SCN9A: variants seen among roughly 807,000 people sequenced by gnomAD.
SCN9A encodes sodium voltage-gated channel alpha subunit 9.
In SCN9A, 131 loss-of-function variants were observed where a neutral mutation model predicts 187.0. The observed-to-expected ratio is 0.70, with a 90% CI of 0.61 to 0.81. The LOEUF is 0.81. Among genes scored for constraint, SCN9A ranks in the 30% least tolerant of loss-of-function variants. The pLI, the probability that SCN9A is intolerant of heterozygous loss-of-function variation, is 0.00. For synonymous variants in SCN9A, 809 were observed against 808.6 expected (o/e 1.00, Z -0.01); for missense variants, 2,252 against 2,396.6 (o/e 0.94, Z 1.26).
chr2:166,287,933 A>G (rs992005918), intron 10 of SCN9A, among the ~76,000 whole-genome samples: 2 of 148,806 alleles, frequency 1.3e-5, no homozygotes, highest in South Asian at 4.2e-4. Flanking sequence ...GGGGAAATCC[A>G]TTGTGTGTAT....
intron 18 of SCN9A, among the ~76,000 whole-genome samples, chr2:166,243,284 C>A (rs987684218): frequency 2.6e-5 from 4 of 152,130 alleles, no homozygotes; most frequent in African/African-American, 9.6e-5. Context: ...TTTATTCATT[C>A]ATTAACGCAT....
chr2:166,370,424 G>T (rs369037062), intron 1 of SCN9A, among the ~76,000 whole-genome samples: 93 of 151,476 alleles, frequency 6.1e-4, no homozygotes, highest in Non-Finnish European at 1.1e-3. Context: ...GGCGCCTGTA[G>T]TCCCAGCTAC....
intron 22 of SCN9A, among the ~76,000 whole-genome samples, chr2:166,228,359 T>C (rs189591732): frequency 0.021 from 3,059 of 148,850 alleles, 114 homozygotes; most frequent in African/African-American, 0.072. Flanking sequence ...CAGGTTCACG[T>C]GATTCTCCTG....
At position 166,316,509 on chromosome 2, in the gene SCN9A, A is replaced by G. The variant is rs537657709; in HGVS notation, c.-50-4703T>C. The stretch of plus-strand genomic sequence containing the variant: ...GGAGATCGAGACCAACCTGGCGAAC[A>G]CTGTGAAACCCTGTCTCTACTAAAA... On this transcript the variant is annotated intron_variant, in intron 1 of 26. Coordinates refer to ENST00000642356, the MANE Select transcript of SCN9A (RefSeq NM_001365536.1). Among the ~76,000 whole-genome samples the G allele has an allele frequency of 6.6e-4, 101 of 152,324 alleles. No individual in the cohort carries two copies. In the South Asian group the frequency reaches 0.02, roughly 30 times the overall value.
At chr2:166,271,464 G>A (rs1054563199) in intron 17 of SCN9A, among the ~76,000 whole-genome samples, 2 of 151,994 alleles carry the variant, frequency 1.3e-5, no homozygotes, top group Non-Finnish European at 2.9e-5. Context: ...AAATTGGTTT[G>A]GTACAGGTAA....
At chr2:166,200,781 A>C (rs1468742381) in intron 26 of SCN9A, among the ~76,000 whole-genome samples, 1 of 152,132 alleles carries the variant, frequency 6.6e-6, no homozygotes, top group Non-Finnish European at 1.5e-5. Flanking sequence ...GACTACAGGC[A>C]TGCGCCACCA....
At chr2:166,340,602 CTTTTT>C (rs777844017) in intron 1 of SCN9A, among the ~76,000 whole-genome samples, 520 of 40,194 alleles carry the variant, frequency 0.013, 18 homozygotes, top group African/African-American at 0.063. Flanking sequence ...TTCTTTCTTT[CTTTTT>C]CTTTCTTTCT....
In SCN9A at chr2:166,197,155, A is replaced by G. The variant is rs201853712; in HGVS notation, c.*1517T>C. The G allele has an allele frequency of 2.0e-5, 3 of 152,134 alleles. No homozygotes were observed. Among genetic ancestry groups the G allele is most frequent in the Non-Finnish European group, 2.9e-5 (2 of 67,978 alleles). The allele number at this position is 152,134 out of a possible 1,614,324, so 9.4% of individuals were successfully genotyped here. Reference sequence around the variant, plus strand: ...ACAAAAATCTTCTAAGTAAAACTACATTCTACCTGTGTAGCTCAATTTTTG... The same window carrying G: ...ACAAAAATCTTCTAAGTAAAACTACGTTCTACCTGTGTAGCTCAATTTTTG... On this transcript the variant is annotated 3_prime_UTR_variant, in exon 27 of 27. Coordinates refer to ENST00000642356, the MANE Select transcript of SCN9A (RefSeq NM_001365536.1).
chr2:166,253,688 G>A (rs889838434), intron 17 of SCN9A, among the ~76,000 whole-genome samples: 2 of 151,636 alleles, frequency 1.3e-5, no homozygotes, highest in African/African-American at 4.8e-5. Flanking sequence ...TCGGCTGCAC[G>A]TGAACTATCA....
Position 166,197,885 on chromosome 2 carries a change from G to T in SCN9A, c.*787C>A, listed in dbSNP as rs937301813. 3 of 151,172 alleles carry T rather than the reference G, an allele frequency of 2.0e-5. No individual in the cohort carries two copies. Among genetic ancestry groups the T allele is most frequent in the Non-Finnish European group, 4.4e-5 (3 of 67,456 alleles). 9.4% of individuals were successfully genotyped at this position (151,172 alleles called of 1,614,324 possible). ...CTCAGTTATCTTTGTTTTTTTTGAG[G>T]AGTGTAATATGTACTTAGAATAATT... On this transcript the variant is annotated 3_prime_UTR_variant, in exon 27 of 27. Coordinates refer to ENST00000642356, the MANE Select transcript of SCN9A (RefSeq NM_001365536.1).
chr2:166,329,107 A>G (rs558344252), intron 1 of SCN9A, among the ~76,000 whole-genome samples: 1 of 152,292 alleles, frequency 6.6e-6, no homozygotes, highest in South Asian at 2.1e-4. Flanking sequence ...CCAGCCATCA[A>G]TTAAATTGAT....
chr2:166,299,811 G>T (rs536501511), intron 7 of SCN9A, among the ~76,000 whole-genome samples: 1 of 150,506 alleles, frequency 6.6e-6, no homozygotes. Context: ...CATCTCAAAG[G>T]CATCTCATTT....
intron 24 of SCN9A, among the ~76,000 whole-genome samples, chr2:166,212,493 A>G (rs960403242): frequency 1.3e-5 from 2 of 152,250 alleles, no homozygotes; most frequent in Non-Finnish European, 2.9e-5. Context: ...ACGTAAAGCA[A>G]TCATTGACAG....
intron 26 of SCN9A, among the ~76,000 whole-genome samples, chr2:166,203,483 T>A (rs1195552063): frequency 6.6e-6 from 1 of 151,898 alleles, no homozygotes; most frequent in Admixed American, 6.6e-5. Flanking sequence ...TATTAAGCTG[T>A]AAAAAATAAA....
chr2:166,251,927 G>A, intron 17 of SCN9A, 42 bp from the exon 18 acceptor site: 2 of 1,605,868 alleles, frequency 1.2e-6, no homozygotes, highest in Non-Finnish European at 1.7e-6. Context: ...TTCATTTAGA[G>A]TTCATTCAAA....
intron 18 of SCN9A, among the ~76,000 whole-genome samples, chr2:166,246,144 T>C (rs1447862101): frequency 6.6e-6 from 1 of 151,996 alleles, no homozygotes; most frequent in Admixed American, 6.6e-5. Context: ...TAATGCTTGC[T>C]CTTTGTGCTT....
rs555184015 is a variant in SCN9A at position 166,301,070 on chromosome 2, A to T, written c.901+2020T>A. ...CAGGCGCCCACCACCATGCCCGGCT[A>T]ATTTTTTGTATTTTTAGTAGAGACG... On this transcript the variant is annotated intron_variant, in intron 7 of 26. Transcript: ENST00000642356. 3 of 147,786 alleles carry T rather than the reference A, an allele frequency of 2.0e-5. No homozygotes were observed. The East Asian group carries it at 5.9e-4, about 29-fold the overall frequency. The allele number at this position is 147,786 out of a possible 1,614,324, so 9.2% of individuals were successfully genotyped here. A position where few individuals can be genotyped will look rare whatever the true frequency, so the allele number is the denominator to read the frequency against.
intron 17 of SCN9A, among the ~76,000 whole-genome samples, chr2:166,254,238 G>C (rs915434345): frequency 2.6e-5 from 4 of 151,422 alleles, no homozygotes; most frequent in Admixed American, 1.3e-4. Context: ...TAATTAATTT[G>C]TATTTACAGA....
intron 24 of SCN9A, among the ~76,000 whole-genome samples, chr2:166,216,258 C>A (rs1483488442): frequency 6.6e-6 from 1 of 151,978 alleles, no homozygotes; most frequent in Non-Finnish European, 1.5e-5. Flanking sequence ...CCATATATGA[C>A]AAGCCCACGG....
Sources: allele counts gnomAD v4.1 joint callset (sites outside exome capture counted in the v4.1 genomes callset), GRCh38; gene constraint gnomAD v4.1.1; transcripts MANE v1.5; gene names NCBI Gene and HGNC (gene_info 2026-07-23, HGNC 2026-07-21).